The following DNAAF9 variants were observed in gnomAD, a reference collection of about 807,000 sequenced individuals.
The protein encoded by DNAAF9 is shulin.
A neutral mutation model predicts 167.0 loss-of-function variants in DNAAF9; 90 were observed. The ratio of observed to expected loss-of-function variants is 0.54; its 90% CI spans 0.45 to 0.64. The LOEUF (loss-of-function observed/expected upper bound fraction) is 0.64, where lower values mean the gene tolerates loss of function less well. DNAAF9 is among the 30% of genes least tolerant of loss of function. The probability of loss-of-function intolerance (pLI) is 0.00; values close to 1 mark genes in which losing one functional copy is unlikely to be tolerated. For synonymous variants in DNAAF9, 491 were observed against 508.8 expected, an observed-to-expected ratio of 0.96 and a Z score of 0.47; for missense variants, 1,315 against 1,442.2, an observed-to-expected ratio of 0.91 and a Z score of 1.43.
intron 20 of DNAAF9, among the ~76,000 whole-genome samples, chr20:3,305,432 C>G (rs2122991346): frequency 6.6e-6 from 1 of 152,328 alleles, no homozygotes; most frequent in East Asian, 1.9e-4. Flanking sequence ...TCTTAAAGCT[C>G]AAGGCACAGG....
intron 3 of DNAAF9, among the ~76,000 whole-genome samples, chr20:3,378,162 C>T (rs1346467302): frequency 6.6e-6 from 1 of 152,116 alleles, no homozygotes; most frequent in Non-Finnish European, 1.5e-5. Flanking sequence ...AGGTCAATAC[C>T]ATATGGAAAC....
At chr20:3,258,358 C>T (rs1006781067) in intron 33 of DNAAF9, among the ~76,000 whole-genome samples, 4 of 152,136 alleles carry the variant, frequency 2.6e-5, no homozygotes, top group Admixed American at 6.5e-5. Context: ...TGTAATTCTC[C>T]CATCTGAACC....
intron 33 of DNAAF9, among the ~76,000 whole-genome samples, chr20:3,258,425 GC>G (rs1265739576): frequency 6.6e-6 from 1 of 152,140 alleles, no homozygotes; most frequent in Non-Finnish European, 1.5e-5. Flanking sequence ...ACTGATAGCT[GC>G]CGACCCCCCA....
intron 23 of DNAAF9, chr20:3,295,887 C>G: frequency 8.3e-7 from 1 of 1,208,274 alleles, no homozygotes; most frequent in Non-Finnish European, 1.2e-6. Context: ...GGAGCCCAGC[C>G]AGTGCCGTCA....
intron 21 of DNAAF9, among the ~76,000 whole-genome samples, chr20:3,300,299 C>G (rs1325293536): frequency 6.6e-6 from 1 of 151,940 alleles, no homozygotes; most frequent in African/African-American, 2.4e-5. Flanking sequence ...AATAGTAAGT[C>G]TTCTGAGTCA....
chr20:3,295,482 T>TA (rs1377741061), intron 23 of DNAAF9: 1 of 299,810 alleles, frequency 3.3e-6, no homozygotes, highest in African/African-American at 2.2e-5. Flanking sequence ...CCTGACCTTT[T>TA]TTTTTTTTTT....
chr20:3,264,330 G>A (rs1600667810), intron 31 of DNAAF9, 108 bp downstream of exon 31: 1 of 662,998 alleles, frequency 1.5e-6, no homozygotes, highest in East Asian at 2.7e-5. Context: ...TGTCACCCTT[G>A]CAAAGCACAT....
At chr20:3,270,136 C>CTTTTTTT (rs56942768) in intron 30 of DNAAF9, among the ~76,000 whole-genome samples, 2 of 125,506 alleles carry the variant, frequency 1.6e-5, no homozygotes, top group African/African-American at 3.1e-5. Flanking sequence ...GCCCAGCCTG[C>CTTTTTTT]TTTTTTTTTT....
rs2069487828 is a variant in DNAAF9, at chr20:3,315,601, G to A, written c.1590+134C>T. The A allele has an allele frequency of 2.8e-6, 2 of 726,318 alleles. No individual in the cohort carries two copies. The highest frequency in any genetic ancestry group is 4.9e-6 in the Non-Finnish European group (2 of 408,324). The allele number at this position is 726,318 out of a possible 1,614,324, so 45.0% of individuals were successfully genotyped here. A position where few individuals can be genotyped will look rare whatever the true frequency, so the allele number is the denominator to read the frequency against. On this transcript the variant is annotated intron_variant, in intron 19 of 36. Transcript: ENST00000252032. The surrounding 1 kb of genome is among the most constrained non-coding windows in gnomAD (Gnocchi z 4.1). ...AAGCTCTGCTGGGAAGGGGAGGAAT[G>A]CAAATAGGAAGTGAAGACAACATAG...
intron 10 of DNAAF9, among the ~76,000 whole-genome samples, chr20:3,334,279 C>T (rs953588062): frequency 6.6e-6 from 1 of 152,218 alleles, no homozygotes; most frequent in African/African-American, 2.4e-5. Context: ...GGGTGTCTCA[C>T]GGTCATTTCA....
intron 7 of DNAAF9, among the ~76,000 whole-genome samples, chr20:3,350,560 G>T (rs1042300049): frequency 6.6e-6 from 1 of 152,080 alleles, no homozygotes; most frequent in Non-Finnish European, 1.5e-5. Context: ...CAAACCAGCA[G>T]CAATGAGTAC....
chr20:3,391,295 CTTAA>C (rs1180052780), intron 1 of DNAAF9, among the ~76,000 whole-genome samples: 1 of 151,914 alleles, frequency 6.6e-6, no homozygotes, highest in Non-Finnish European at 1.5e-5. Context: ...AAACGTGTCA[CTTAA>C]TTATTTACCT....
At chr20:3,271,573 T>C (rs2068592607) in intron 29 of DNAAF9, among the ~76,000 whole-genome samples, 1 of 152,060 alleles carries the variant, frequency 6.6e-6, no homozygotes, top group African/African-American at 2.4e-5. Context: ...AGCGCATATA[T>C]AAGATTATTC....
chr20:3,362,570 C>T (rs2083378241), intron 6 of DNAAF9, among the ~76,000 whole-genome samples: 1 of 151,970 alleles, frequency 6.6e-6, no homozygotes, highest in Admixed American at 6.6e-5. Flanking sequence ...AACAGTAACA[C>T]TATTTTCATT....
At chr20:3,327,435 G>A (rs1362742501) in intron 12 of DNAAF9, among the ~76,000 whole-genome samples, 2 of 152,128 alleles carry the variant, frequency 1.3e-5, no homozygotes, top group African/African-American at 4.8e-5. Flanking sequence ...TTGGAGGAAG[G>A]AGGTGCAGGC....
rs760125786 is a variant in DNAAF9, at chr20:3,256,117, G to A, written c.3150C>T (p.Ser1050=). Residue 1050 remains serine (S), a synonymous_variant, in exon 34 of 37, where the codon TCC becomes TCT. Coordinates refer to ENST00000252032, the MANE Select transcript of DNAAF9 (RefSeq NM_001009984.3). ...CGCTGCTGTCTTGAGATACGCTTTTGGAGTCTGGTGGTGGTGTGGGTCCTT... is the reference window on the plus strand; with the variant it reads ...CGCTGCTGTCTTGAGATACGCTTTTAGAGTCTGGTGGTGGTGTGGGTCCTT... The part of the protein sequence containing the change: ...VLEGPTPPPD[S]KSVSQDSSGQ... 10 of 1,614,062 alleles carry A rather than the reference G, an allele frequency of 6.2e-6. No homozygotes were observed. The African/African-American group carries it at 6.7e-5, about 11-fold the overall frequency.
At chr20:3,294,738 C>T in intron 23 of DNAAF9, 109 bp from the exon 24 acceptor site, 1 of 686,358 alleles carries the variant, frequency 1.5e-6, no homozygotes, top group Non-Finnish European at 2.6e-6. Flanking sequence ...AGAGTCAACT[C>T]TTCCAAAACA....
At chr20:3,380,138 T>C (rs2083628415) in intron 3 of DNAAF9, among the ~76,000 whole-genome samples, 1 of 152,172 alleles carries the variant, frequency 6.6e-6, no homozygotes, top group South Asian at 2.1e-4. Context: ...AGTACTGTAA[T>C]GTCCTTAGCA....
chr20:3,304,607 C>T, intron 20 of DNAAF9, 64 bp from the exon 21 acceptor site: 1 of 764,414 alleles, frequency 1.3e-6, no homozygotes, highest in Non-Finnish European at 2.4e-6. Context: ...ATTCCAATGT[C>T]CTCTTGTACA....
Sources: allele counts gnomAD v4.1 joint callset (sites outside exome capture counted in the v4.1 genomes callset), GRCh38; gene constraint gnomAD v4.1.1; non-coding constraint Gnocchi (gnomAD v3.1); transcripts MANE v1.5; gene names NCBI Gene and HGNC (gene_info 2026-07-23, HGNC 2026-07-21).